Variants in SLC25A21 observed in about 807,000 individuals in gnomAD.
SLC25A21 encodes mitochondrial 2-oxodicarboxylate carrier.
In SLC25A21, 47 loss-of-function variants were observed where a neutral mutation model predicts 43.8. The observed-to-expected ratio is 1.07, with a 90% CI of 0.85 to 1.37. SLC25A21 has a LOEUF of 1.37. Ranked by LOEUF, SLC25A21 falls within the 40% of genes most tolerant of loss-of-function variation. The pLI, the probability that SLC25A21 is intolerant of heterozygous loss-of-function variation, is 0.00. For synonymous variants in SLC25A21, 131 were observed against 121.3 expected (o/e 1.08, Z -0.52); for missense variants, 352 against 350.2 (o/e 1.00, Z -0.04).
At chr14:36,801,969 T>C (rs1173718850) in intron 3 of SLC25A21, among the ~76,000 whole-genome samples, 1 of 152,184 alleles carries the variant, frequency 6.6e-6, no homozygotes, top group Non-Finnish European at 1.5e-5. Context: ...TTCAGCATCA[T>C]TTGCCAGCGG....
intron 1 of SLC25A21, among the ~76,000 whole-genome samples, chr14:36,957,283 C>G (rs1435407767): frequency 2.0e-5 from 3 of 152,122 alleles, no homozygotes; most frequent in Non-Finnish European, 4.4e-5. Flanking sequence ...CAGGAAGACC[C>G]TAGGGAGGAA....
intron 3 of SLC25A21, among the ~76,000 whole-genome samples, chr14:36,744,956 C>A (rs1885429888): frequency 6.6e-6 from 1 of 151,890 alleles, no homozygotes; most frequent in East Asian, 1.9e-4. Flanking sequence ...GTTTGCTGCA[C>A]CCATTAACTC....
intron 3 of SLC25A21, among the ~76,000 whole-genome samples, chr14:36,809,569 C>T (rs538567751): frequency 2.2e-4 from 33 of 152,186 alleles, no homozygotes; most frequent in African/African-American, 7.9e-4. Flanking sequence ...TGTGGTTGAG[C>T]TATTGTCTCT....
intron 1 of SLC25A21, among the ~76,000 whole-genome samples, chr14:36,950,319 G>A (rs1179647446): frequency 3.9e-5 from 6 of 152,160 alleles, no homozygotes; most frequent in African/African-American, 1.4e-4. Flanking sequence ...GACTACATTT[G>A]GAGATAGGGC....
intron 2 of SLC25A21, among the ~76,000 whole-genome samples, chr14:36,852,549 C>A (rs919024062): frequency 6.6e-6 from 1 of 151,922 alleles, no homozygotes; most frequent in East Asian, 1.9e-4. Flanking sequence ...ATTTCAAGGA[C>A]CAGAAAGTAA....
At chr14:37,102,506 C>T (rs1443680285) in intron 1 of SLC25A21, among the ~76,000 whole-genome samples, 1 of 151,732 alleles carries the variant, frequency 6.6e-6, no homozygotes, top group African/African-American at 2.4e-5. Context: ...CCCTAGGTTT[C>T]CCTGTTCCTT....
chr14:37,056,350 C>T (rs1377866196), intron 1 of SLC25A21, among the ~76,000 whole-genome samples: 6 of 151,870 alleles, frequency 4.0e-5, no homozygotes, highest in African/African-American at 1.5e-4. Flanking sequence ...ATTAGCCAGG[C>T]GAGGTGGCGG....
intron 1 of SLC25A21, among the ~76,000 whole-genome samples, chr14:37,127,523 T>C (rs1430177291): frequency 3.3e-5 from 5 of 152,260 alleles, no homozygotes; most frequent in Non-Finnish European, 7.3e-5. Flanking sequence ...TGCTTTTTTT[T>C]CTTTAGTCAA....
At chr14:36,785,648 T>G (rs2073099308) in intron 3 of SLC25A21, among the ~76,000 whole-genome samples, 1 of 152,208 alleles carries the variant, frequency 6.6e-6, no homozygotes, top group African/African-American at 2.4e-5. Flanking sequence ...TCCTGCATAA[T>G]GTAAGCTCAA....
At chr14:36,855,234 C>G (rs978315303) in intron 2 of SLC25A21, among the ~76,000 whole-genome samples, 1 of 151,712 alleles carries the variant, frequency 6.6e-6, no homozygotes, top group African/African-American at 2.4e-5. Context: ...GACGCTTAGG[C>G]ATGGGTTAAT....
chr14:37,120,918 A>G (rs952913121), intron 1 of SLC25A21, among the ~76,000 whole-genome samples: 5 of 152,168 alleles, frequency 3.3e-5, no homozygotes, highest in African/African-American at 1.2e-4. Context: ...CTTTCCTCTT[A>G]TAAGGGGAAA....
At chr14:36,757,499 T>C (rs1268941587) in intron 3 of SLC25A21, among the ~76,000 whole-genome samples, 1 of 152,204 alleles carries the variant, frequency 6.6e-6, no homozygotes, top group Non-Finnish European at 1.5e-5. Context: ...TATGAACACA[T>C]AGATCGATTT....
At chr14:37,045,648 G>C (rs190213298) in intron 1 of SLC25A21, among the ~76,000 whole-genome samples, 3 of 152,282 alleles carry the variant, frequency 2.0e-5, no homozygotes, top group Middle Eastern at 3.4e-3. Context: ...TGCAGTCTCC[G>C]TTTGGACCTG....
intron 3 of SLC25A21, among the ~76,000 whole-genome samples, chr14:36,799,761 T>C (rs1368412788): frequency 6.6e-6 from 1 of 152,138 alleles, no homozygotes; most frequent in Non-Finnish European, 1.5e-5. Flanking sequence ...ATCAATAAAA[T>C]AGGAAAAATT....
chr14:37,135,452 C>A (rs1963464367), intron 1 of SLC25A21, among the ~76,000 whole-genome samples: 1 of 151,542 alleles, frequency 6.6e-6, no homozygotes, highest in South Asian at 2.1e-4. Flanking sequence ...GTCTCCAACT[C>A]CTAGGCTCAA....
chr14:36,749,583 A>G (rs910066569), intron 3 of SLC25A21, among the ~76,000 whole-genome samples: 2 of 152,170 alleles, frequency 1.3e-5, no homozygotes, highest in East Asian at 3.9e-4. Flanking sequence ...CTCAAAGAGC[A>G]GGCACACTGC....
intron 1 of SLC25A21, among the ~76,000 whole-genome samples, chr14:36,889,089 T>C (rs916810090): frequency 6.6e-6 from 1 of 152,212 alleles, no homozygotes; most frequent in Admixed American, 6.5e-5. Context: ...CTGGCCTCTT[T>C]GCTATGCTCC....
chr14:36,769,862 G>A (rs1447407527), intron 3 of SLC25A21, among the ~76,000 whole-genome samples: 1 of 151,930 alleles, frequency 6.6e-6, no homozygotes, highest in African/African-American at 2.4e-5. Context: ...CACCTCTTTG[G>A]GAACTACAAT....
chr14:36,998,654 T>C (rs1007466927), intron 1 of SLC25A21, among the ~76,000 whole-genome samples: 5 of 151,902 alleles, frequency 3.3e-5, no homozygotes, highest in Non-Finnish European at 5.9e-5. Flanking sequence ...TATTCACTTC[T>C]GATAAAGGAC....
Sources: gnomAD v4.1 joint callset for allele counts (sites outside exome capture counted in the v4.1 genomes callset) on GRCh38, gnomAD v4.1.1 for gene constraint, MANE v1.5 for transcripts, NCBI Gene and HGNC (gene_info 2026-07-23, HGNC 2026-07-21) for gene names.